CCDC90B: variants seen among roughly 807,000 people sequenced by gnomAD.
CCDC90B encodes coiled-coil domain-containing protein 90B, mitochondrial.
Under a neutral mutation model 37.0 loss-of-function variants are expected in CCDC90B, and 24 were observed. The ratio of observed to expected loss-of-function variants is 0.65; its 90% CI spans 0.47 to 0.91. The LOEUF (loss-of-function observed/expected upper bound fraction) is 0.91. CCDC90B is among the 40% of genes least tolerant of loss of function. The pLI is 0.00. For synonymous variants in CCDC90B, 113 were observed against 101.1 expected (o/e 1.12, Z -0.71); for missense variants, 319 against 299.0 (o/e 1.07, Z -0.49).
At chr11:83,266,762 GA>G (rs988614638) in intron 7 of CCDC90B, 11 of 152,254 alleles carry the variant, frequency 7.2e-5, no homozygotes, top group Non-Finnish European at 1.2e-4. Context: ...GTTCTCTCAC[GA>G]CAGCGTTTGA....
intron 7 of CCDC90B, among the ~76,000 whole-genome samples, chr11:83,269,966 T>C (rs1286557228): frequency 2.0e-5 from 3 of 152,218 alleles, no homozygotes; most frequent in Non-Finnish European, 4.4e-5. Context: ...CACGATCAAG[T>C]CGGCTTCATC....
chr11:83,285,409 T>C (rs2298791), intron 1 of CCDC90B: 19,839 of 1,150,438 alleles, frequency 0.017, 413 homozygotes, highest in South Asian at 0.074. Context: ...GTACTGAGAA[T>C]TCCAGTGAGA....
Position 83,286,159 on chromosome 11 carries a change from C to CA in CCDC90B, c.-188dup, listed in dbSNP as rs1031994263. On this transcript the variant is annotated 5_prime_UTR_variant, in exon 1 of 9. An upstream open reading frame in the 5' UTR gains an earlier in-frame stop. Transcript: ENST00000529689. ...CTGGGTCTCTTCACAGACAGACCCA[C>CA]AGTTCGCGAGCATGGCTCAGCGCTG... 18 of 1,536,052 alleles carry CA rather than the reference C, an allele frequency of 1.2e-5. No homozygotes were observed. The African/African-American group carries it at 2.1e-4, about 18-fold the overall frequency.
rs980973202 is a variant in CCDC90B at position 83,285,629 on chromosome 11, C to A, written c.100+244G>T. The A allele has an allele frequency of 1.3e-5, 18 of 1,350,628 alleles. 1 individual carries two copies. The South Asian group carries it at 2.7e-4, about 20-fold the overall frequency. The allele number at this position is 1,350,628 out of a possible 1,614,324, so 83.7% of individuals were successfully genotyped here. A position where few individuals can be genotyped will look rare whatever the true frequency, so the allele number is the denominator to read the frequency against. On this transcript the variant is annotated intron_variant, in intron 1 of 8. Transcript: ENST00000529689. ...AACAACGGCTGAGAAAGAAGCCGGG[C>A]GCGAAGCCCAGGCCTTCAAAGGTTC...
At chr11:83,266,899 C>T (rs1277243885) in intron 7 of CCDC90B, 1 of 152,506 alleles carries the variant, frequency 6.6e-6, no homozygotes, top group Non-Finnish European at 1.5e-5. Context: ...TGGGACAAAG[C>T]TTCCAGAGGA....
intron 1 of CCDC90B, chr11:83,285,415 T>A (rs1237270413): frequency 1.7e-6 from 2 of 1,147,976 alleles, no homozygotes; most frequent in Non-Finnish European, 2.2e-6. Context: ...AGAATTCCAG[T>A]GAGAATAAGG....
intron 7 of CCDC90B, among the ~76,000 whole-genome samples, chr11:83,266,479 C>T (rs968537337): frequency 2.0e-5 from 3 of 152,254 alleles, no homozygotes; most frequent in South Asian, 2.1e-4. Context: ...GCGGGTCCCA[C>T]GCCCACGGAG....
intron 8 of CCDC90B, among the ~76,000 whole-genome samples, chr11:83,262,442 A>G (rs1427618603): frequency 6.6e-6 from 1 of 152,146 alleles, no homozygotes; most frequent in Non-Finnish European, 1.5e-5. Context: ...TTTAAACTCA[A>G]TGAGGTAGAA....
rs144259351 is a variant in CCDC90B, at chr11:83,285,309, G to A, written c.100+564C>T. The A allele has an allele frequency of 4.0e-4, 494 of 1,227,220 alleles. No homozygotes were observed. The African/African-American group carries it at 7.1e-3, about 18-fold the overall frequency. The allele number at this position is 1,227,220 out of a possible 1,614,324, so 76.0% of individuals were successfully genotyped here. Reference sequence around the variant, plus strand: ...TCTGAATAAAGTTAGATGTCTTCAGGACACCCTGTTAACAGGGGTGCCAAC... The same window carrying A: ...TCTGAATAAAGTTAGATGTCTTCAGAACACCCTGTTAACAGGGGTGCCAAC... On this transcript the variant is annotated intron_variant, in intron 1 of 8. Transcript: ENST00000529689.
intron 2 of CCDC90B, among the ~76,000 whole-genome samples, chr11:83,279,911 T>A (rs1865284747): frequency 6.6e-6 from 1 of 152,216 alleles, no homozygotes; most frequent in Non-Finnish European, 1.5e-5. Context: ...ATTGGAATAA[T>A]TCTGCACATA....
At position 83,285,986 on chromosome 11, in the gene CCDC90B, T is replaced by A; in HGVS notation, c.-14A>T. 6.2e-7 allele frequency: 1 copy of A among 1,604,500 alleles called. No homozygotes were observed. The highest frequency in any genetic ancestry group is 1.3e-5 in the African/African-American group (1 of 74,722). On this transcript the variant is annotated 5_prime_UTR_variant, in exon 1 of 9. It introduces an in-frame stop codon into an upstream open reading frame of the 5' UTR. Transcript: ENST00000529689. ...GCGACTATTCATGTCCTCAGAGTTT[T>A]CCGGTGGGAGGGAGGCGGAAGACGG...
chr11:83,278,958 A>G (rs371090279), intron 2 of CCDC90B, 129 bp from the exon 3 acceptor site: 7 of 589,456 alleles, frequency 1.2e-5, no homozygotes, highest in African/African-American at 3.8e-5. Flanking sequence ...TAAAAAATTG[A>G]CAGATAATAC....
At chr11:83,278,312 C>G (rs541233338) in intron 3 of CCDC90B, among the ~76,000 whole-genome samples, 3 of 152,296 alleles carry the variant, frequency 2.0e-5, no homozygotes, top group Admixed American at 2.0e-4. Context: ...AAGTCCCTCC[C>G]AGCCAACTAA....
Position 83,274,671 on chromosome 11 carries a change from T to G in CCDC90B, c.394A>C (p.Ser132Arg), listed in dbSNP as rs372851934. The change falls in exon 4 of 9, where the codon AGT becomes CGT. Residue 132 changes from serine to arginine, a missense_variant. Transcript: ENST00000529689. ...TCTGCTCTCAGATTTGCAAATTCAC[T>G]TTTCTCTAGGATGACCATGTCTTTC... ...IRKDMVILEK[S>R]EFANLRAENE... 26 of 1,608,954 alleles carry G rather than the reference T, an allele frequency of 1.6e-5. No individual in the cohort carries two copies. The highest frequency in any genetic ancestry group is 2.0e-5 in the Non-Finnish European group (24 of 1,177,522).
rs189771189 is a variant in CCDC90B at position 83,284,317 on chromosome 11, T to C, written c.100+1556A>G. Reference sequence around the variant, plus strand: ...TGCTGGAAAAGGTCAAATTTTACTTTTGAAAAAACAACCAAGCAAACATGT... The same window carrying C: ...TGCTGGAAAAGGTCAAATTTTACTTCTGAAAAAACAACCAAGCAAACATGT... On this transcript the variant is annotated intron_variant, in intron 1 of 8. Coordinates refer to ENST00000529689, the MANE Select transcript of CCDC90B (RefSeq NM_021825.5). Among the ~76,000 whole-genome samples, 138 of 152,342 alleles carry C rather than the reference T, an allele frequency of 9.1e-4. 1 individual carries two copies. Among genetic ancestry groups the C allele is most frequent in the South Asian group, 8.1e-3 (39 of 4,832 alleles).
At chr11:83,269,770 C>T (rs1028865741) in intron 7 of CCDC90B, among the ~76,000 whole-genome samples, 24 of 152,154 alleles carry the variant, frequency 1.6e-4, no homozygotes, top group African/African-American at 5.1e-4. Context: ...CTATTCCAAT[C>T]AACAGAAAAA....
chr11:83,285,764 G>A (rs980235541), intron 1 of CCDC90B, 109 bp downstream of exon 1: 35 of 1,477,756 alleles, frequency 2.4e-5, no homozygotes, highest in Admixed American at 2.4e-5. Flanking sequence ...GTGAATCCGG[G>A]AGGAGGGCGT....
intron 8 of CCDC90B, among the ~76,000 whole-genome samples, chr11:83,262,702 TA>T (rs1306620545): frequency 1.3e-5 from 2 of 152,164 alleles, no homozygotes; most frequent in African/African-American, 4.8e-5. Context: ...CCTTTCAAAG[TA>T]AAGTTATTCA....
At chr11:83,277,053 T>G (rs1163507584) in intron 3 of CCDC90B, among the ~76,000 whole-genome samples, 1 of 152,086 alleles carries the variant, frequency 6.6e-6, no homozygotes, top group Non-Finnish European at 1.5e-5. Context: ...GCAATTGAAT[T>G]AGGTTCAAGA....
Sources: gnomAD v4.1 joint callset for allele counts (sites outside exome capture counted in the v4.1 genomes callset) on GRCh38, gnomAD v4.1.1 for gene constraint, MANE v1.5 for transcripts, NCBI Gene and HGNC (gene_info 2026-07-23, HGNC 2026-07-21) for gene names.